Variants in REDIC1 observed in about 807,000 individuals in gnomAD.
The protein encoded by REDIC1 is regulator of DNA class I crossover intermediates 1.
the REDIC1 span, chr12:39,759,986 C>T: frequency 7.9e-6 from 12 of 1,511,158 alleles, no homozygotes; most frequent in Non-Finnish European, 9.2e-6. Flanking sequence ...TCTTCTCCCC[C>T]CAGTTTGTTT....
the REDIC1 span, chr12:39,684,823 A>C: frequency 7.2e-7 from 1 of 1,397,644 alleles, no homozygotes; most frequent in Non-Finnish European, 1.0e-6. Context: ...TAATTCCCAG[A>C]GGGAACACAA....
At chr12:39,632,694 T>C in the REDIC1 span, among the ~76,000 whole-genome samples, 3 of 152,208 alleles carry the variant, frequency 2.0e-5, no homozygotes, top group African/African-American at 7.2e-5. Context: ...GGGTCTAGTC[T>C]ACTACACACC....
chr12:39,889,488 A>G, the REDIC1 span, among the ~76,000 whole-genome samples: 1 of 151,850 alleles, frequency 6.6e-6, no homozygotes, highest in Non-Finnish European at 1.5e-5. Flanking sequence ...TATACAGAGA[A>G]AGTGAGTAGA....
the REDIC1 span, chr12:39,684,828 A>G: frequency 6.8e-7 from 1 of 1,461,330 alleles, no homozygotes; most frequent in African/African-American, 1.4e-5. Flanking sequence ...CCCAGAGGGA[A>G]CACAACAAAC....
chr12:39,713,335 CGTGTATATAT>C, the REDIC1 span, among the ~76,000 whole-genome samples: 7 of 139,730 alleles, frequency 5.0e-5, no homozygotes, highest in East Asian at 4.3e-4. Context: ...TACACATATA[CGTGTATATAT>C]GTGTATACAC....
the REDIC1 span, among the ~76,000 whole-genome samples, chr12:39,647,624 C>T: frequency 6.6e-6 from 1 of 152,028 alleles, no homozygotes; most frequent in Non-Finnish European, 1.5e-5. Flanking sequence ...CTGGTAACCA[C>T]TCTCTTCCTA....
At chr12:39,812,618 G>A in the REDIC1 span, among the ~76,000 whole-genome samples, 4 of 151,598 alleles carry the variant, frequency 2.6e-5, no homozygotes, top group East Asian at 1.9e-4. Flanking sequence ...GACTACAGGC[G>A]CCCACGGCTA....
chr12:39,767,456 T>C, the REDIC1 span, among the ~76,000 whole-genome samples: 1 of 151,998 alleles, frequency 6.6e-6, no homozygotes, highest in Non-Finnish European at 1.5e-5. Flanking sequence ...TCTAGGATTT[T>C]TGGAGCGGCA....
chr12:39,711,617 G>A, the REDIC1 span, among the ~76,000 whole-genome samples: 1 of 76,852 alleles, frequency 1.3e-5, no homozygotes, highest in Non-Finnish European at 3.2e-5. Context: ...GCATGTGTAT[G>A]TGTATACACG....
At chr12:39,820,717 TTATATATATA>T in the REDIC1 span, among the ~76,000 whole-genome samples, 71 of 132,576 alleles carry the variant, frequency 5.4e-4, no homozygotes, top group Non-Finnish European at 5.5e-4. Flanking sequence ...ATTTTTAAAT[TTATATATATA>T]TATATATATA....
At chr12:39,711,709 A>G in the REDIC1 span, among the ~76,000 whole-genome samples, 79 of 11,560 alleles carry the variant, frequency 6.8e-3, no homozygotes, top group Non-Finnish European at 0.012. Context: ...GTGTATACAC[A>G]TGCATGTGTA....
the REDIC1 span, among the ~76,000 whole-genome samples, chr12:39,859,563 C>A: frequency 6.6e-6 from 1 of 152,132 alleles, no homozygotes; most frequent in African/African-American, 2.4e-5. Flanking sequence ...CCTCTTGTCA[C>A]CCAGGCTGGA....
chr12:39,864,092 C>T, the REDIC1 span, among the ~76,000 whole-genome samples: 98 of 152,284 alleles, frequency 6.4e-4, no homozygotes, highest in African/African-American at 2.3e-3. Context: ...ATATATTAAT[C>T]GATGTGTCCA....
chr12:39,669,587 C>A, the REDIC1 span, among the ~76,000 whole-genome samples: 6 of 152,342 alleles, frequency 3.9e-5, no homozygotes, highest in East Asian at 7.7e-4. Flanking sequence ...AGCTGTCAGA[C>A]AGGGACATTT....
At chr12:39,702,488 T>C in the REDIC1 span, among the ~76,000 whole-genome samples, 4 of 152,112 alleles carry the variant, frequency 2.6e-5, no homozygotes, top group African/African-American at 4.8e-5. Flanking sequence ...GATTCACAGC[T>C]GAATTCTACC....
the REDIC1 span, among the ~76,000 whole-genome samples, chr12:39,832,609 T>A: frequency 6.6e-6 from 1 of 152,238 alleles, no homozygotes; most frequent in African/African-American, 2.4e-5. Context: ...CCACACACTA[T>A]GCTAGGTGCT....
At chr12:39,748,577 C>T in the REDIC1 span, among the ~76,000 whole-genome samples, 1 of 152,188 alleles carries the variant, frequency 6.6e-6, no homozygotes, top group Non-Finnish European at 1.5e-5. Context: ...ACCTAATAGA[C>T]ATCTACAGAA....
the REDIC1 span, among the ~76,000 whole-genome samples, chr12:39,904,676 T>G: frequency 1.3e-5 from 2 of 152,096 alleles, no homozygotes; most frequent in Non-Finnish European, 2.9e-5. Context: ...TCATTTCAGG[T>G]TCCAGCCTGT....
the REDIC1 span, among the ~76,000 whole-genome samples, chr12:39,741,036 G>A: frequency 2.6e-5 from 4 of 151,978 alleles, no homozygotes; most frequent in African/African-American, 4.8e-5. Context: ...GTGCAATCTC[G>A]GCTCACTGCA....
Sources: gnomAD v4.1 joint callset for allele counts (sites outside exome capture counted in the v4.1 genomes callset) on GRCh38, gnomAD v4.1.1 for gene constraint, MANE v1.5 for transcripts, NCBI Gene and HGNC (gene_info 2026-07-23, HGNC 2026-07-21) for gene names.